GUCY1A1: variants seen among roughly 807,000 people sequenced by gnomAD.
GUCY1A1 encodes the protein guanylate cyclase 1 soluble subunit alpha 1, also known as guanylate cyclase soluble subunit alpha-1.
GUCY1A1 carries 48 observed loss-of-function variants against 64.5 expected under a neutral mutation model. The ratio of observed to expected loss-of-function variants is 0.74; its 90% confidence interval spans 0.59 to 0.95. GUCY1A1 has a LOEUF of 0.95. GUCY1A1 is among the 40% of genes least tolerant of loss of function. The probability of loss-of-function intolerance (pLI) is 0.00; values close to 1 mark genes in which losing one functional copy is unlikely to be tolerated. For synonymous variants in GUCY1A1, 308 were observed against 303.4 expected (o/e 1.02, Z -0.16); for missense variants, 804 against 825.3 (o/e 0.97, Z 0.32).
intron 2 of GUCY1A1, among the ~76,000 whole-genome samples, chr4:155,669,544 T>C (rs886146914): frequency 6.6e-5 from 10 of 152,086 alleles, no homozygotes; most frequent in Admixed American, 5.2e-4. Context: ...TTCACAATGC[T>C]TAGTACTTAT....
At chr4:155,688,145 G>A (rs1579030170) in intron 2 of GUCY1A1, among the ~76,000 whole-genome samples, 2 of 151,800 alleles carry the variant, frequency 1.3e-5, no homozygotes, top group East Asian at 1.9e-4. Context: ...GGAGAATGGC[G>A]TGAACCCGGG....
chr4:155,669,447 C>T (rs1442514939), intron 2 of GUCY1A1, among the ~76,000 whole-genome samples: 1 of 151,766 alleles, frequency 6.6e-6, no homozygotes, highest in South Asian at 2.1e-4. Context: ...TGATTAAAAT[C>T]GTTTTCTGTC....
rs565669761 is a variant in GUCY1A1, at chr4:155,732,860, G to A, written c.*2629G>A. 6.6e-6 allele frequency among the ~76,000 whole-genome samples: 1 copy of A among 151,886 alleles called. No individual in the cohort carries two copies. Among genetic ancestry groups the A allele is most frequent in the African/African-American group, 2.4e-5 (1 of 41,476 alleles). ...GTTTCCATTCATGGCTTCTTGTCCT[G>A]TTGTTTTTTGTGTCGAGTACACTAT... On this transcript the variant is annotated 3_prime_UTR_variant, in exon 10 of 10. Coordinates refer to ENST00000506455, the MANE Select transcript of GUCY1A1 (RefSeq NM_001130682.3).
rs1732795947 is a variant in GUCY1A1 at position 155,713,145 on chromosome 4, A to T, written c.1134A>T (p.Ala378=). Residue 378 remains alanine (A), a synonymous_variant, in exon 7 of 10, where the codon GCA becomes GCT. Coordinates refer to ENST00000506455, the MANE Select transcript of GUCY1A1 (RefSeq NM_001130682.3). ...TGATCTACATTGTTGAATCCAGTGC[A>T]ATCTTGTTTTTGGGGTCACCCTGTG... ...GQMIYIVESS[A]ILFLGSPCVD... is the part of the protein sequence containing the mutation. The T allele has an allele frequency of 6.2e-7, 1 of 1,613,612 alleles. No individual in the cohort carries two copies. The highest frequency in any genetic ancestry group is 8.5e-7 in the Non-Finnish European group (1 of 1,179,544).
At position 155,717,151 on chromosome 4, in the gene GUCY1A1, A is replaced by T; in HGVS notation, c.1573-8A>T. 1 of 1,417,090 alleles carries T rather than the reference A, an allele frequency of 7.1e-7. No homozygotes were observed. Among genetic ancestry groups the T allele is most frequent in the Non-Finnish European group, 9.4e-7 (1 of 1,068,334 alleles). 87.8% of individuals were successfully genotyped at this position (1,417,090 alleles called of 1,614,324 possible). On this transcript the variant is annotated splice_region_variant and splice_polypyrimidine_tract_variant and intron_variant, in intron 7 of 9. Transcript: ENST00000506455. Reference sequence around the variant, plus strand: ...TTATTTATAGTATGGAAAATATATTATGTCTAGGTGGAGACCATTGGCGAT... The same window carrying T: ...TTATTTATAGTATGGAAAATATATTTTGTCTAGGTGGAGACCATTGGCGAT...
intron 2 of GUCY1A1, among the ~76,000 whole-genome samples, chr4:155,686,215 C>T (rs964348978): frequency 6.6e-6 from 1 of 152,174 alleles, no homozygotes; most frequent in Non-Finnish European, 1.5e-5. Flanking sequence ...ATGGCTCATA[C>T]CTGTAATCCC....
At chr4:155,683,183 A>G (rs1314903747) in intron 2 of GUCY1A1, among the ~76,000 whole-genome samples, 2 of 152,196 alleles carry the variant, frequency 1.3e-5, no homozygotes, top group African/African-American at 2.4e-5. Context: ...CATAAACTCT[A>G]TGTATAGTGA....
At chr4:155,702,198 A>G (rs1307833729) in intron 3 of GUCY1A1, among the ~76,000 whole-genome samples, 1 of 152,210 alleles carries the variant, frequency 6.6e-6, no homozygotes, top group Non-Finnish European at 1.5e-5. Flanking sequence ...AATGCTATGA[A>G]GAAAAACTGA....
Position 155,713,478 on chromosome 4 carries a change from G to T in GUCY1A1, c.1467G>T (p.Gly489=), listed in dbSNP as rs1452700931. Residue 489 remains glycine, a synonymous_variant, in exon 7 of 10, where the codon GGG becomes GGT. Coordinates refer to ENST00000506455, the MANE Select transcript of GUCY1A1 (RefSeq NM_001130682.3). ...NVTMLFSDIV[G]FTAICSQCSP... is the part of the protein sequence containing the mutation. ...CCATGCTCTTCTCAGACATCGTTGG[G>T]TTCACTGCCATCTGCTCCCAGTGCT... The T allele has an allele frequency of 6.2e-7, 1 of 1,614,158 alleles. No homozygotes were observed. The highest frequency in any genetic ancestry group is 1.1e-5 in the South Asian group (1 of 91,086).
At chr4:155,722,475 G>A in intron 9 of GUCY1A1, 3 of 1,180,656 alleles carry the variant, frequency 2.5e-6, no homozygotes, top group South Asian at 2.1e-5. Flanking sequence ...AATACTCTTA[G>A]TATGTTGATA....
chr4:155,681,343 T>C (rs1735734613), intron 2 of GUCY1A1, among the ~76,000 whole-genome samples: 1 of 152,158 alleles, frequency 6.6e-6, no homozygotes, highest in Non-Finnish European at 1.5e-5. Flanking sequence ...TACAGAAAGC[T>C]ACAAATATAG....
In GUCY1A1 at chr4:155,710,656, A is replaced by T. The variant is rs1373333864; in HGVS notation, c.491A>T (p.Asn164Ile). 3.1e-6 allele frequency: 5 copies of T among 1,613,870 alleles called. No individual in the cohort carries two copies. The East Asian group carries it at 1.1e-4, about 36-fold the overall frequency. Reference sequence around the variant, plus strand: ...GGAGGCACCCTTAAAGATTTTTTAAACAGCTTCAGTACCCTTCTGAAACAG... The same window carrying T: ...GGAGGCACCCTTAAAGATTTTTTAATCAGCTTCAGTACCCTTCTGAAACAG... ...VVGGTLKDFL[N>I]SFSTLLKQSS... Residue 164 changes from asparagine (N) to isoleucine (I), a missense_variant, in exon 6 of 10, where the codon AAC becomes ATC. By Grantham distance (149) the Asn-to-Ile change is moderately radical. Transcript: ENST00000506455.
At chr4:155,680,747 T>G (rs2126599941) in intron 2 of GUCY1A1, among the ~76,000 whole-genome samples, 1 of 152,198 alleles carries the variant, frequency 6.6e-6, no homozygotes, top group East Asian at 1.9e-4. Context: ...ATTTATTAAG[T>G]GCAAGTGGGT....
intron 8 of GUCY1A1, among the ~76,000 whole-genome samples, chr4:155,719,036 TAAC>T (rs1579108780): frequency 6.6e-6 from 1 of 152,194 alleles, no homozygotes; most frequent in Non-Finnish European, 1.5e-5. Flanking sequence ...TCTAGACTAT[TAAC>T]AACATTTTAA....
chr4:155,707,508 T>C (rs1202623741), intron 4 of GUCY1A1, among the ~76,000 whole-genome samples: 3 of 152,096 alleles, frequency 2.0e-5, no homozygotes, highest in Admixed American at 1.3e-4. Context: ...CATGAGAGCA[T>C]TGTACTCCAT....
chr4:155,718,912 A>G (rs1733609080), intron 8 of GUCY1A1, among the ~76,000 whole-genome samples: 1 of 152,092 alleles, frequency 6.6e-6, no homozygotes, highest in Non-Finnish European at 1.5e-5. Flanking sequence ...ACAATATCTG[A>G]CTTTTTCAGA....
chr4:155,669,910 C>A (rs930576957), intron 2 of GUCY1A1, among the ~76,000 whole-genome samples: 2 of 152,230 alleles, frequency 1.3e-5, no homozygotes, highest in African/African-American at 2.4e-5. Context: ...TAAAATAACA[C>A]GATCTGCACC....
At chr4:155,683,742 A>T (rs1264069664) in intron 2 of GUCY1A1, among the ~76,000 whole-genome samples, 2 of 152,248 alleles carry the variant, frequency 1.3e-5, no homozygotes, top group African/African-American at 4.8e-5. Context: ...TTAGCATGAT[A>T]TATAGACGAA....
Position 155,697,131 on chromosome 4 carries a change from G to A in GUCY1A1, c.255+9G>A, listed in dbSNP as rs201215034. ...AACTGATTTTCCCAGAGGTGAGTGC[G>A]TGCTCTTTAGATTTTGAAATTGTAA... On this transcript the variant is annotated intron_variant, in intron 3 of 9. Coordinates refer to ENST00000506455, the MANE Select transcript of GUCY1A1 (RefSeq NM_001130682.3). 8.6e-5 allele frequency: 138 copies of A among 1,601,076 alleles called. No individual in the cohort carries two copies. The East Asian group carries it at 1.3e-3, about 16-fold the overall frequency.
Sources: allele counts gnomAD v4.1 joint callset (sites outside exome capture counted in the v4.1 genomes callset), GRCh38; gene constraint gnomAD v4.1.1; transcripts MANE v1.5; gene names NCBI Gene and HGNC (gene_info 2026-07-23, HGNC 2026-07-21).